The following NFASC variants were observed in gnomAD, a reference collection of about 807,000 sequenced individuals.
NFASC encodes neurofascin.
In NFASC, 43 loss-of-function variants were observed where a neutral mutation model predicts 147.5. The ratio of observed to expected loss-of-function variants is 0.29; its 90% confidence interval spans 0.23 to 0.38. The LOEUF is 0.38. NFASC is among the 10% of genes least tolerant of loss of function. The pLI is 1.00. For synonymous variants in NFASC, 622 were observed against 665.5 expected, an observed-to-expected ratio of 0.93 and a Z score of 1.01; for missense variants, 1,320 against 1,689.0, an observed-to-expected ratio of 0.78 and a Z score of 3.83.
In NFASC at chr1:205,002,767, TG is replaced by T; in HGVS notation, c.3289+21del. 7.0e-7 allele frequency: 1 copy of T among 1,427,236 alleles called. No homozygotes were observed. The highest frequency in any genetic ancestry group is 9.3e-7 in the Non-Finnish European group (1 of 1,071,004). 88.4% of individuals were successfully genotyped at this position (1,427,236 alleles called of 1,614,324 possible). A position where few individuals can be genotyped will look rare whatever the true frequency, so the allele number is the denominator to read the frequency against. On this transcript the variant is annotated intron_variant, in intron 27 of 29. Transcript: ENST00000339876. Reference sequence around the variant, plus strand: ...AGTACAGGTGAGAGGGGACCTGGCCTGGCCATCCCCTGCAAGCATGGGGCAT... The same window carrying T: ...AGTACAGGTGAGAGGGGACCTGGCCTGCCATCCCCTGCAAGCATGGGGCAT...
intron 1 of NFASC, among the ~76,000 whole-genome samples, chr1:204,852,523 A>T (rs1026262602): frequency 2.6e-5 from 4 of 152,186 alleles, no homozygotes; most frequent in African/African-American, 9.7e-5. Flanking sequence ...AACAAAACAG[A>T]AAGTGGAGTG....
chr1:204,920,604 G>A (rs911564441), intron 1 of NFASC, 28 bp from the exon 2 acceptor site: 2 of 1,138,054 alleles, frequency 1.8e-6, no homozygotes, highest in Non-Finnish European at 2.4e-6. Context: ...GTAACCCTGG[G>A]GTTCTCCTTT....
In NFASC at chr1:204,898,223, G is replaced by A. The variant is rs533905980; in HGVS notation, c.-199-22409G>A. 4.6e-5 allele frequency among the ~76,000 whole-genome samples: 7 copies of A among 152,294 alleles called. No individual in the cohort carries two copies. In the South Asian group the frequency reaches 8.3e-4, roughly 18 times the overall value. On this transcript the variant is annotated intron_variant, in intron 1 of 29. Coordinates refer to ENST00000339876, the MANE Select transcript of NFASC (RefSeq NM_001005388.3). ...TGAACCGCTGCATTAAGGTCATTAA[G>A]AAGACAAAATATACAGCTGATAAAA...
chr1:204,832,628 T>G (rs1192018300), intron 1 of NFASC, among the ~76,000 whole-genome samples: 1 of 152,210 alleles, frequency 6.6e-6, no homozygotes, highest in Non-Finnish European at 1.5e-5. Context: ...GAGTAGCCCC[T>G]CTTTTCCCCC....
intron 23 of NFASC, 74 bp from the exon 24 acceptor site, chr1:204,991,218 T>A (rs2095724798): frequency 1.3e-6 from 2 of 1,534,484 alleles, no homozygotes; most frequent in Admixed American, 3.6e-5. Flanking sequence ...GTGGTCTCAC[T>A]TGTGCTCTGT....
At chr1:204,980,315 C>T in intron 19 of NFASC, 55 bp from the exon 20 acceptor site, 1 of 1,441,420 alleles carries the variant, frequency 6.9e-7, no homozygotes, top group Non-Finnish European at 9.7e-7. Flanking sequence ...AGGTTCCTTA[C>T]CTTGCCCTGG....
rs749900427 is a variant in NFASC, at chr1:204,997,244, G to A, written c.2857G>A (p.Ala953Thr). The change falls in exon 25 of 30, where the codon GCC (alanine) becomes ACC (threonine). Residue 953 changes from alanine (A) to threonine (T), a missense_variant. By Grantham distance (58) the Ala-to-Thr change is moderately conservative. Coordinates refer to ENST00000339876, the MANE Select transcript of NFASC (RefSeq NM_001005388.3). ...VSSTDATAIAATTEATTVPII... is the reference protein window; with the variant it reads ...VSSTDATAIATTTEATTVPII... Reference sequence around the variant, plus strand: ...CAGTACCGATGCTACTGCCATTGCTGCCACCACCGAAGCCACAACAGTCCC... The same window carrying A: ...CAGTACCGATGCTACTGCCATTGCTACCACCACCGAAGCCACAACAGTCCC... 6 of 1,613,028 alleles carry A rather than the reference G, an allele frequency of 3.7e-6. No homozygotes were observed. The highest frequency in any genetic ancestry group is 4.5e-5 in the East Asian group (2 of 44,858).
intron 1 of NFASC, among the ~76,000 whole-genome samples, chr1:204,863,006 C>T (rs1281893773): frequency 1.3e-5 from 2 of 152,140 alleles, no homozygotes; most frequent in East Asian, 1.9e-4. Flanking sequence ...TTTTCCTCCT[C>T]GTTCAAAAAC....
Position 204,936,679 on chromosome 1 carries a change from C to A in NFASC, c.-90-7547C>A, listed in dbSNP as rs114421931. On this transcript the variant is annotated intron_variant, in intron 2 of 29. Transcript: ENST00000339876. ...ACTCAGAGGCTGTGGAGCCTCCTAC[C>A]TGGCCTCCCCACTTCCACCCTGGCC... Among the ~76,000 whole-genome samples the A allele has an allele frequency of 9.6e-4, 147 of 152,336 alleles. 1 individual carries two copies. The highest frequency in any genetic ancestry group is 3.0e-3 in the African/African-American group (124 of 41,572).
rs778547834 is a variant in NFASC at position 205,016,580 on chromosome 1, G to T, written c.*41G>T. On this transcript the variant is annotated 3_prime_UTR_variant, in exon 30 of 30. Transcript: ENST00000339876. This position sits in a 1 kb window ranked among gnomAD's most constrained non-coding sequence, Gnocchi z 5.1. ...CACAGCCACCACTTTGCAAGTGGGA[G>T]GAGGGGAGAAGGGGAGACAAAACCA... is the stretch of plus-strand genomic sequence containing the variant. 1.4e-6 allele frequency: 2 copies of T among 1,473,466 alleles called. No individual in the cohort carries two copies. Among genetic ancestry groups the T allele is most frequent in the South Asian group, 2.3e-5 (2 of 88,170 alleles). The allele number at this position is 1,473,466 out of a possible 1,614,324, so 91.3% of individuals were successfully genotyped here.
chr1:204,961,411 A>G (rs1485625795), intron 8 of NFASC, among the ~76,000 whole-genome samples: 2 of 152,228 alleles, frequency 1.3e-5, no homozygotes, highest in African/African-American at 4.8e-5. Flanking sequence ...TCTAAATTCT[A>G]AAGCCTGAAC....
intron 25 of NFASC, chr1:204,999,897 C>T (rs2095936868): frequency 6.6e-6 from 1 of 152,206 alleles, no homozygotes; most frequent in South Asian, 2.1e-4. Context: ...AAATATACAG[C>T]AGCCACACTT....
Position 204,928,617 on chromosome 1 carries a change from G to A in NFASC, c.-91+7877G>A, listed in dbSNP as rs754277352. On this transcript the variant is annotated intron_variant, in intron 2 of 29. Transcript: ENST00000339876. ...TGAGTTGTACCATTGTTGTAATAGG[G>A]GGGAAAATAAAGAAAAACAACTTAA... Among the ~76,000 whole-genome samples, 35 of 152,264 alleles carry A rather than the reference G, an allele frequency of 2.3e-4. 1 individual carries two copies. In the Middle Eastern group the frequency reaches 0.02, roughly 89 times the overall value.
chr1:204,831,945 C>T (rs1672322531), intron 1 of NFASC, among the ~76,000 whole-genome samples: 1 of 152,182 alleles, frequency 6.6e-6, no homozygotes, highest in East Asian at 1.9e-4. Context: ...AGGGATGTTA[C>T]ACAGCGGGAT....
chr1:205,001,125 C>A lies in NFASC; in HGVS notation c.3020-45C>A, dbSNP rs376420456. ...TGTGTGTGTCTCCATATCTCTGGTG[C>A]CACTCCCTCCTCATCACTAACCCCT... is the stretch of plus-strand genomic sequence containing the variant. On this transcript the variant is annotated intron_variant, in intron 25 of 29. Coordinates refer to ENST00000339876, the MANE Select transcript of NFASC (RefSeq NM_001005388.3). The A allele has an allele frequency of 8.8e-6, 10 of 1,133,852 alleles. No individual in the cohort carries two copies. In the African/African-American group the frequency reaches 1.4e-4, roughly 16 times the overall value. The allele number at this position is 1,133,852 out of a possible 1,614,324, so 70.2% of individuals were successfully genotyped here.
chr1:205,013,712 G>C (rs74138692), intron 29 of NFASC, among the ~76,000 whole-genome samples: 386 of 152,274 alleles, frequency 2.5e-3, no homozygotes, highest in African/African-American at 9.0e-3. Flanking sequence ...GTCATTCCCA[G>C]ACCAAGTGCT....
At chr1:204,862,978 A>G (rs140809848) in intron 1 of NFASC, among the ~76,000 whole-genome samples, 1 of 152,334 alleles carries the variant, frequency 6.6e-6, no homozygotes, top group African/African-American at 2.4e-5. Context: ...GGTGTGTTTG[A>G]CCTACTGGAT....
At position 204,981,977 on chromosome 1, in the gene NFASC, G is replaced by C; in HGVS notation, c.2427G>C (p.Lys809Asn). The change falls in exon 21 of 30, where the codon AAG becomes AAC. Residue 809 changes from lysine (K) to asparagine (N), a missense_variant. By Grantham distance (94) the Lys-to-Asn change is moderately conservative (BLOSUM62 0). Transcript: ENST00000339876. ...TCCAGGCTGAAAATGACTTCGGGAA[G>C]GGCCCTGAGCCAGAGTCCGTCATCG... ...IRVQAENDFG[K>N]GPEPESVIGY... is the part of the protein sequence containing the mutation. 6.2e-7 allele frequency: 1 copy of C among 1,604,172 alleles called. No homozygotes were observed. Among genetic ancestry groups the C allele is most frequent in the South Asian group, 1.1e-5 (1 of 89,310 alleles).
At chr1:204,926,395 TA>T (rs2091522891) in intron 2 of NFASC, among the ~76,000 whole-genome samples, 1 of 16,518 alleles carries the variant, frequency 6.1e-5, no homozygotes, top group Non-Finnish European at 1.8e-4. Context: ...TATATATATA[TA>T]TATATATATA....
Sources: allele counts gnomAD v4.1 joint callset (sites outside exome capture counted in the v4.1 genomes callset), GRCh38; gene constraint gnomAD v4.1.1; non-coding constraint Gnocchi (gnomAD v3.1); transcripts MANE v1.5; gene names NCBI Gene and HGNC (gene_info 2026-07-23, HGNC 2026-07-21).